The following MB21D2 variants were observed in gnomAD, a reference collection of about 807,000 sequenced individuals.
MB21D2 encodes Mab-21 domain containing 2, also known as nucleotidyltransferase MB21D2.
Under a neutral mutation model 33.3 loss-of-function variants are expected in MB21D2, and 9 were observed. That is an observed-to-expected ratio of 0.27 (90% CI 0.16 to 0.47). The LOEUF (loss-of-function observed/expected upper bound fraction) is 0.47. MB21D2 is among the 20% of genes least tolerant of loss of function. The pLI is 0.99. For synonymous variants in MB21D2, 241 were observed against 236.3 expected, an observed-to-expected ratio of 1.02 and a Z score of -0.18; for missense variants, 540 against 624.6, an observed-to-expected ratio of 0.86 and a Z score of 1.44.
rs1180110350 is a variant in MB21D2, at chr3:192,863,592, G to A, written c.211+54038C>T. ...TGCAGTGCCCTATGAAGACAAGGAC[G>A]AAGAAGACATGATTCCTGTCCTCAA... On this transcript the variant is annotated intron_variant, in intron 1 of 1. Transcript: ENST00000392452. 2.6e-5 allele frequency among the ~76,000 whole-genome samples: 4 copies of A among 152,228 alleles called. 1 individual carries two copies. Among genetic ancestry groups the A allele is most frequent in the Non-Finnish European group, 5.9e-5 (4 of 68,016 alleles).
chr3:192,908,345 G>C (rs2108654873), intron 1 of MB21D2, among the ~76,000 whole-genome samples: 1 of 151,950 alleles, frequency 6.6e-6, no homozygotes, highest in Non-Finnish European at 1.5e-5. Context: ...ACAGGCTAAG[G>C]GCCACAAAAG....
chr3:192,835,717 C>T (rs900383975), intron 1 of MB21D2, among the ~76,000 whole-genome samples: 3 of 152,004 alleles, frequency 2.0e-5, no homozygotes, highest in Non-Finnish European at 4.4e-5. Context: ...CTACTATTGT[C>T]TCTGTTCTAC....
At chr3:192,917,317 C>T (rs911094834) in intron 1 of MB21D2, among the ~76,000 whole-genome samples, 1 of 152,206 alleles carries the variant, frequency 6.6e-6, no homozygotes, top group Non-Finnish European at 1.5e-5. Context: ...AGGGGCTTCC[C>T]CCAACAGTGC....
chr3:192,910,493 A>G (rs910135425), intron 1 of MB21D2, among the ~76,000 whole-genome samples: 1 of 152,060 alleles, frequency 6.6e-6, no homozygotes, highest in Non-Finnish European at 1.5e-5. Context: ...ATATATACAT[A>G]AATAACAGAA....
intron 1 of MB21D2, among the ~76,000 whole-genome samples, chr3:192,804,099 T>A (rs1711611293): frequency 6.6e-6 from 1 of 152,202 alleles, no homozygotes. Flanking sequence ...ATATAGATAC[T>A]CAGGTCCTAA....
At chr3:192,857,802 C>T (rs970321881) in intron 1 of MB21D2, among the ~76,000 whole-genome samples, 1 of 152,108 alleles carries the variant, frequency 6.6e-6, no homozygotes, top group Non-Finnish European at 1.5e-5. Flanking sequence ...GTTCATAAGT[C>T]AATGGATCTG....
chr3:192,911,388 C>T (rs778523392), intron 1 of MB21D2, among the ~76,000 whole-genome samples: 1 of 152,144 alleles, frequency 6.6e-6, no homozygotes, highest in Non-Finnish European at 1.5e-5. Context: ...CTATTACTTT[C>T]CAGGAGCAGA....
Position 192,882,798 on chromosome 3 carries a change from G to A in MB21D2, c.211+34832C>T, listed in dbSNP as rs564348321. On this transcript the variant is annotated intron_variant, in intron 1 of 1. Transcript: ENST00000392452. ...CACCCAGGATGGAGTGCAATGGCAC[G>A]ATCTTGGCTCACTGCAACCTTCACC... is the stretch of plus-strand genomic sequence containing the variant. Among the ~76,000 whole-genome samples, 4 of 151,068 alleles carry A rather than the reference G, an allele frequency of 2.6e-5. No individual in the cohort carries two copies. The South Asian group carries it at 8.4e-4, about 32-fold the overall frequency.
intron 1 of MB21D2, among the ~76,000 whole-genome samples, chr3:192,895,318 C>G: frequency 6.6e-6 from 1 of 152,224 alleles, no homozygotes; most frequent in Non-Finnish European, 1.5e-5. Context: ...CACACCCAGA[C>G]ATAGTCCCCC....
chr3:192,798,553 T>G lies in MB21D2; in HGVS notation c.1309A>C (p.Ile437Leu), dbSNP rs1379393817. Reference sequence around the variant, plus strand: ...CCTCCGTCAGACTGTGGAGAGGGGATGCTGGTGGTGCTACCTCGCCTCTGG... The same window carrying G: ...CCTCCGTCAGACTGTGGAGAGGGGAGGCTGGTGGTGCTACCTCGCCTCTGG... Reference protein sequence around the residue: ...ELQRRGSTTSIPSPQSDGGDP... With the variant: ...ELQRRGSTTSLPSPQSDGGDP... The change falls in exon 2 of 2, where the codon ATC becomes CTC. Residue 437 changes from isoleucine (I) to leucine (L), a missense_variant. Ile to Leu is a conservative substitution (Grantham distance 5). Transcript: ENST00000392452. The surrounding 1 kb of genome is among the most constrained non-coding windows in gnomAD (Gnocchi z 4.8). 12 of 1,614,046 alleles carry G rather than the reference T, an allele frequency of 7.4e-6. No individual in the cohort carries two copies. The highest frequency in any genetic ancestry group is 1.0e-5 in the Non-Finnish European group (12 of 1,180,044).
At position 192,838,186 on chromosome 3, in the gene MB21D2, C is replaced by T. The variant is rs755170122; in HGVS notation, c.212-38536G>A. 1.7e-4 allele frequency among the ~76,000 whole-genome samples: 26 copies of T among 152,182 alleles called. 1 individual carries two copies. The highest frequency in any genetic ancestry group is 3.2e-4 in the Non-Finnish European group (22 of 68,036). On this transcript the variant is annotated intron_variant, in intron 1 of 1. Coordinates refer to ENST00000392452, the MANE Select transcript of MB21D2 (RefSeq NM_178496.4). Reference sequence around the variant, plus strand: ...TGACTGCTGGAAGAAGGCCTTGGTTCTTTAACACATGGGCATCTATATAAG... The same window carrying T: ...TGACTGCTGGAAGAAGGCCTTGGTTTTTTAACACATGGGCATCTATATAAG...
At chr3:192,897,318 G>A (rs1227539354) in intron 1 of MB21D2, among the ~76,000 whole-genome samples, 10 of 152,142 alleles carry the variant, frequency 6.6e-5, no homozygotes, top group Non-Finnish European at 1.3e-4. Context: ...AAAGACCCAG[G>A]TTTCCTGACT....
intron 1 of MB21D2, among the ~76,000 whole-genome samples, chr3:192,866,889 A>T (rs879598966): frequency 2.0e-5 from 3 of 152,092 alleles, no homozygotes; most frequent in Non-Finnish European, 2.9e-5. Flanking sequence ...CCCGCTTCAC[A>T]CACCTAGAAA....
chr3:192,845,446 C>T (rs56885009), intron 1 of MB21D2, among the ~76,000 whole-genome samples: 10,730 of 152,290 alleles, frequency 0.07, 1,261 homozygotes, highest in African/African-American at 0.24. Context: ...AGTGTTTCCT[C>T]TCCACTCCCT....
At chr3:192,853,452 T>G (rs1206917811) in intron 1 of MB21D2, among the ~76,000 whole-genome samples, 2 of 152,212 alleles carry the variant, frequency 1.3e-5, no homozygotes, top group Admixed American at 6.5e-5. Context: ...CTATAATGCC[T>G]TACTGTGCCC....
intron 1 of MB21D2, among the ~76,000 whole-genome samples, chr3:192,863,493 T>A (rs1370041693): frequency 6.6e-6 from 1 of 152,338 alleles, no homozygotes; most frequent in Non-Finnish European, 1.5e-5. Context: ...GGTGTAAGTT[T>A]AGTTTTTTTT....
chr3:192,907,538 G>C (rs1443837232), intron 1 of MB21D2, among the ~76,000 whole-genome samples: 4 of 152,132 alleles, frequency 2.6e-5, no homozygotes, highest in African/African-American at 9.7e-5. Flanking sequence ...AACCGATTCT[G>C]TGACCTACGA....
rs927722191 is a variant in MB21D2 at position 192,809,105 on chromosome 3, C to CA, written c.212-9456_212-9455insT. ...AAGTGGGCAATAGTGTCCCCCTTCC[C>CA]TTTTTTTTTGACATGGAGTCTCGCT... On this transcript the variant is annotated intron_variant, in intron 1 of 1. Coordinates refer to ENST00000392452, the MANE Select transcript of MB21D2 (RefSeq NM_178496.4). Among the ~76,000 whole-genome samples, 6 of 151,438 alleles carry CA rather than the reference C, an allele frequency of 4.0e-5. 1 individual carries two copies. In the East Asian group the frequency reaches 9.7e-4, roughly 24 times the overall value.
Position 192,799,179 on chromosome 3 carries a change from C to T in MB21D2, c.683G>A (p.Ser228Asn). 1 of 1,614,204 alleles carries T rather than the reference C, an allele frequency of 6.2e-7. No individual in the cohort carries two copies. The highest frequency in any genetic ancestry group is 8.5e-7 in the Non-Finnish European group (1 of 1,180,036). ...GACAATATCATACAACATGCGACTA[C>T]TCCCTACACCCAGAATGATGGAGAT... ...TIISIILGVG[S>N]SRMLYDIVPV... The change falls in exon 2 of 2, where the codon AGT (serine) becomes AAT (asparagine). Residue 228 changes from serine (S) to asparagine (N), a missense_variant. Coordinates refer to ENST00000392452, the MANE Select transcript of MB21D2 (RefSeq NM_178496.4). This position sits in a 1 kb window ranked among gnomAD's most constrained non-coding sequence, Gnocchi z 4.1.
Sources: gnomAD v4.1 joint callset for allele counts (sites outside exome capture counted in the v4.1 genomes callset) on GRCh38, gnomAD v4.1.1 for gene constraint, Gnocchi (gnomAD v3.1) non-coding constraint, MANE v1.5 for transcripts, NCBI Gene and HGNC (gene_info 2026-07-23, HGNC 2026-07-21) for gene names.